Variants in CCDC157 observed in about 807,000 individuals in gnomAD.
The protein encoded by CCDC157 is coiled-coil domain containing 157.
CCDC157 carries 60 observed loss-of-function variants against 70.9 expected under a neutral mutation model. That is an observed-to-expected ratio of 0.85 (90% confidence interval 0.69 to 1.05). The LOEUF is 1.05. CCDC157 is among the 50% of genes least tolerant of loss of function. CCDC157 has a pLI of 0.00. For synonymous variants in CCDC157, 373 were observed against 422.4 expected, an observed-to-expected ratio of 0.88 and a Z score of 1.43; for missense variants, 943 against 984.2, an observed-to-expected ratio of 0.96 and a Z score of 0.56.
rs1389503441 is a variant in CCDC157 at position 30,375,363 on chromosome 22, C to T, written c.1673-116C>T. On this transcript the variant is annotated intron_variant, in intron 9 of 11. Transcript: ENST00000338306. ...GGACAGGGAAGGGGGAATAAGGCCT[C>T]GGGAGAAGGAAGATGAGCTAGGAGG... 36 of 929,512 alleles carry T rather than the reference C, an allele frequency of 3.9e-5. No homozygotes were observed. The East Asian group carries it at 5.2e-4, about 13-fold the overall frequency. The allele number at this position is 929,512 out of a possible 1,614,324, so 57.6% of individuals were successfully genotyped here.
chr22:30,368,844 C>A (rs892031273), intron 3 of CCDC157: 1 of 152,222 alleles, frequency 6.6e-6, no homozygotes, highest in Non-Finnish European at 1.5e-5. Flanking sequence ...TATAATACTC[C>A]TTTTTCTTAC....
intron 10 of CCDC157, chr22:30,376,048 G>A: frequency 1.8e-6 from 1 of 562,870 alleles, no homozygotes; most frequent in Non-Finnish European, 3.1e-6. Flanking sequence ...AGCCATGTCA[G>A]AAAGAAACCT....
At chr22:30,362,392 G>A (rs2145867590) in intron 2 of CCDC157, among the ~76,000 whole-genome samples, 1 of 152,334 alleles carries the variant, frequency 6.6e-6, no homozygotes, top group East Asian at 1.9e-4. Context: ...GCCCTGGGGA[G>A]CTTTCCTGAA....
rs748689658 is a variant in CCDC157 at position 30,370,836 on chromosome 22, G to A, written c.931G>A (p.Ala311Thr). 7.4e-6 allele frequency: 12 copies of A among 1,612,722 alleles called. No individual in the cohort carries two copies. Among genetic ancestry groups the A allele is most frequent in the Non-Finnish European group, 1.0e-5 (12 of 1,180,014 alleles). The change falls in exon 5 of 12, where the codon GCG (alanine) becomes ACG (threonine). Residue 311 changes from alanine (A) to threonine (T), a missense_variant. Physicochemically the swap from Ala to Thr is moderately conservative, Grantham distance 58 (BLOSUM62 0). Coordinates refer to ENST00000338306, the MANE Select transcript of CCDC157 (RefSeq NM_001017437.5). ...GCAGAAGGATGGCCTGAGGAAGCAG[G>A]CGGGCAAGCTGGAGCAGGCGCTGAA... is the stretch of plus-strand genomic sequence containing the variant. ...EGQKDGLRKQAGKLEQALKQE... is the reference protein window; with the variant it reads ...EGQKDGLRKQTGKLEQALKQE...
At position 30,366,195 on chromosome 22, in the gene CCDC157, C is replaced by T; in HGVS notation, c.195C>T (p.Asp65=). 6.2e-7 allele frequency: 1 copy of T among 1,613,772 alleles called. No homozygotes were observed. The highest frequency in any genetic ancestry group is 8.5e-7 in the Non-Finnish European group (1 of 1,180,012). Residue 65 remains aspartate, a synonymous_variant, in exon 3 of 12, where the codon GAC becomes GAT. Transcript: ENST00000338306. ...LLEHYDHVPG[D]PEFTQLSHAV... is the part of the protein sequence containing the mutation. ...AGCACTATGACCATGTTCCGGGTGA[C>T]CCCGAGTTCACGCAGCTGTCCCATG...
intron 3 of CCDC157, among the ~76,000 whole-genome samples, chr22:30,367,254 T>C (rs1283976781): frequency 6.6e-6 from 1 of 151,502 alleles, no homozygotes; most frequent in Non-Finnish European, 1.5e-5. Flanking sequence ...GCATGCCTTT[T>C]TTTTTTTTCT....
rs1452134981 is a variant in CCDC157, at chr22:30,378,588, A to G, written c.*1843A>G. 1 of 153,054 alleles carries G rather than the reference A, an allele frequency of 6.5e-6. No homozygotes were observed. Among genetic ancestry groups the G allele is most frequent in the African/African-American group, 2.4e-5 (1 of 41,458 alleles). The allele number at this position is 153,054 out of a possible 1,614,324, so 9.5% of individuals were successfully genotyped here. A position where few individuals can be genotyped will look rare whatever the true frequency, so the allele number is the denominator to read the frequency against. ...GGTTGCAGTGAGGCGAGATCACGCC[A>G]TTGCACTCCAGCCTGGGCAACAAGA... On this transcript the variant is annotated 3_prime_UTR_variant, in exon 12 of 12. Transcript: ENST00000338306.
chr22:30,375,651 G>C lies in CCDC157; in HGVS notation c.1845G>C (p.Gln615His). 1 of 1,613,350 alleles carries C rather than the reference G, an allele frequency of 6.2e-7. No individual in the cohort carries two copies. The highest frequency in any genetic ancestry group is 8.5e-7 in the Non-Finnish European group (1 of 1,179,614). ...MLSKIREVAQ[Q>H]GGLKLIPQDR... The stretch of plus-strand genomic sequence containing the variant: ...CCAAAATCCGGGAAGTGGCCCAGCA[G>C]GGTGGCCTCAAGGTGGGCCTGAGAG... Residue 615 changes from glutamine to histidine, a missense_variant, in exon 10 of 12, where the codon CAG becomes CAC. Gln to His is a conservative substitution (Grantham distance 24). Transcript: ENST00000338306.
In CCDC157 at chr22:30,358,330, T is replaced by A. The variant is rs149537338; in HGVS notation, c.-166+1198T>A. Reference sequence around the variant, plus strand: ...TGTGCCCAACACTTCATGTGTTACGTCATTTATTCCTTATAGCAACCTATT... The same window carrying A: ...TGTGCCCAACACTTCATGTGTTACGACATTTATTCCTTATAGCAACCTATT... On this transcript the variant is annotated intron_variant, in intron 1 of 11. Transcript: ENST00000338306. 2.9e-3 allele frequency among the ~76,000 whole-genome samples: 435 copies of A among 152,354 alleles called. 1 individual carries two copies. The highest frequency in any genetic ancestry group is 9.8e-3 in the African/African-American group (407 of 41,580).
chr22:30,366,535 G>T, intron 3 of CCDC157: 1 of 484,108 alleles, frequency 2.1e-6, no homozygotes, highest in South Asian at 2.4e-5. Context: ...CTGTGACCAC[G>T]GTCTCTCAGC....
In CCDC157 at chr22:30,370,737, G is replaced by A. The variant is rs749724460; in HGVS notation, c.832G>A (p.Glu278Lys). The change falls in exon 5 of 12, where the codon GAG becomes AAG. Residue 278 changes from glutamate (E) to lysine (K), a missense_variant. Glu to Lys is a moderately conservative substitution (Grantham distance 56). Coordinates refer to ENST00000338306, the MANE Select transcript of CCDC157 (RefSeq NM_001017437.5). ...PAATVGRWAA[E>K]QRKDLTRLSK... is the part of the protein sequence containing the mutation. ...TGCCACCGTGGGCCGCTGGGCAGCAGAGCAGAGGAAAGACCTGACGCGCCT... is the reference window on the plus strand; with the variant it reads ...TGCCACCGTGGGCCGCTGGGCAGCAAAGCAGAGGAAAGACCTGACGCGCCT... The A allele has an allele frequency of 4.3e-6, 7 of 1,613,450 alleles. No individual in the cohort carries two copies. The highest frequency in any genetic ancestry group is 2.7e-5 in the African/African-American group (2 of 74,954).
chr22:30,371,714 C>T lies in CCDC157; in HGVS notation c.1110C>T (p.Ser370=), dbSNP rs997259459. The T allele has an allele frequency of 1.9e-6, 3 of 1,613,906 alleles. No homozygotes were observed. Among genetic ancestry groups the T allele is most frequent in the Non-Finnish European group, 2.5e-6 (3 of 1,179,800 alleles). The change falls in exon 6 of 12, where the codon TCC becomes TCT. Residue 370 remains serine, a synonymous_variant. Transcript: ENST00000338306. ...LERELKQQRE[S]TQAVEAKAQQ... The stretch of plus-strand genomic sequence containing the variant: ...GAGAACTGAAACAGCAGCGGGAGTC[C>T]ACACAGGCTGTGGGTAAGGAGCCCC...
chr22:30,372,533 A>G, intron 7 of CCDC157: 1 of 457,492 alleles, frequency 2.2e-6, no homozygotes, highest in Non-Finnish European at 3.8e-6. Flanking sequence ...GGCAAAGATG[A>G]GCAGGTGTGC....
Position 30,372,338 on chromosome 22 carries a change from A to C in CCDC157, c.1335+52A>C, listed in dbSNP as rs1232830816. Reference sequence around the variant, plus strand: ...GGCATCTGCAATGTAGGCTGCAGGGAAAGAGGGCTCCACTGTCAGGGAATG... The same window carrying C: ...GGCATCTGCAATGTAGGCTGCAGGGCAAGAGGGCTCCACTGTCAGGGAATG... On this transcript the variant is annotated intron_variant, in intron 7 of 11. Transcript: ENST00000338306. The C allele has an allele frequency of 4.1e-6, 6 of 1,459,642 alleles. No individual in the cohort carries two copies. The African/African-American group carries it at 7.0e-5, about 17-fold the overall frequency. The allele number at this position is 1,459,642 out of a possible 1,614,324, so 90.4% of individuals were successfully genotyped here.
chr22:30,356,750 C>T (rs1254564781), upstream of CCDC157: 2 of 1,485,162 alleles, frequency 1.3e-6, no homozygotes, highest in Middle Eastern at 1.8e-4. Context: ...TCCGTGGGCA[C>T]GGGCGGCGGC....
chr22:30,372,940 C>T (rs1933047328), intron 7 of CCDC157: 1 of 153,578 alleles, frequency 6.5e-6, no homozygotes, highest in South Asian at 2.0e-4. Flanking sequence ...GGGTGCTGTT[C>T]TCTGTGCCTT....
chr22:30,366,107 G>A lies in CCDC157; in HGVS notation c.107G>A (p.Arg36His), dbSNP rs145057312. Residue 36 changes from arginine (R) to histidine (H), a missense_variant, in exon 3 of 12, where the codon CGC becomes CAC. By Grantham distance (29) the Arg-to-His change is conservative (BLOSUM62 0). Coordinates refer to ENST00000338306, the MANE Select transcript of CCDC157 (RefSeq NM_001017437.5). ...GTCTTCTCCCGCGCCGGGCCTGTGC[G>A]CTTCCCCTCCTGGAAGTTCCCTGAC... ...VDVFSRAGPV[R>H]FPSWKFPDRM... 3.1e-6 allele frequency: 5 copies of A among 1,612,986 alleles called. No individual in the cohort carries two copies. The African/African-American group carries it at 4.0e-5, about 13-fold the overall frequency.
At chr22:30,373,847 G>T in intron 8 of CCDC157, 76 bp from the exon 9 acceptor site, 3 of 1,539,894 alleles carry the variant, frequency 1.9e-6, no homozygotes, top group African/African-American at 1.4e-5. Flanking sequence ...CTTTTCTTGG[G>T]TAGGGACGGT....
chr22:30,362,128 C>A lies in CCDC157; in HGVS notation c.-12+14C>A, dbSNP rs1932390181. On this transcript the variant is annotated intron_variant, in intron 2 of 11. Transcript: ENST00000338306. ...ACCTGCACAGAGGTAAGGGGAAAGCCCCATCTTCTGGGAGGGTGAAGAGTC... is the reference window on the plus strand; with the variant it reads ...ACCTGCACAGAGGTAAGGGGAAAGCACCATCTTCTGGGAGGGTGAAGAGTC... The A allele has an allele frequency of 1.3e-5, 2 of 152,400 alleles. No individual in the cohort carries two copies. Among genetic ancestry groups the A allele is most frequent in the South Asian group, 4.1e-4 (2 of 4,838 alleles). 9.4% of individuals were successfully genotyped at this position (152,400 alleles called of 1,614,324 possible).
Sources: gnomAD v4.1 joint callset for allele counts (sites outside exome capture counted in the v4.1 genomes callset) on GRCh38, gnomAD v4.1.1 for gene constraint, MANE v1.5 for transcripts, NCBI Gene and HGNC (gene_info 2026-07-23, HGNC 2026-07-21) for gene names.